ATG10: variants seen among roughly 807,000 people sequenced by gnomAD.
ATG10 encodes autophagy related 10, also known as ubiquitin-like-conjugating enzyme ATG10.
ATG10 carries 30 observed loss-of-function variants against 32.1 expected under a neutral mutation model. The observed-to-expected ratio is 0.94, with a 90% CI of 0.70 to 1.27. ATG10 has a LOEUF of 1.27. ATG10 is among the 50% of genes most tolerant of loss of function. The probability of loss-of-function intolerance (pLI) is 0.00; values close to 1 mark genes in which losing one functional copy is unlikely to be tolerated. For synonymous variants in ATG10, 87 were observed against 91.5 expected, an observed-to-expected ratio of 0.95 and a Z score of 0.28; for missense variants, 233 against 262.3, an observed-to-expected ratio of 0.89 and a Z score of 0.77.
intron 2 of ATG10, among the ~76,000 whole-genome samples, chr5:81,996,697 AT>A (rs1464034710): frequency 1.3e-5 from 2 of 152,232 alleles, no homozygotes; most frequent in Non-Finnish European, 2.9e-5. Context: ...TGAAAGTAAA[AT>A]TTGTAGACGG....
In ATG10 at chr5:82,231,838, G is replaced by A. The variant is rs183781281; in HGVS notation, c.454-20724G>A. Among the ~76,000 whole-genome samples the A allele has an allele frequency of 4.7e-4, 72 of 152,252 alleles. 1 individual carries two copies. In the East Asian group the frequency reaches 0.011, roughly 24 times the overall value. On this transcript the variant is annotated intron_variant, in intron 5 of 7. Transcript: ENST00000282185. Reference sequence around the variant, plus strand: ...GCAGAAAGGAAAAAAACTGTCAGGAGCTATAGCTGTAACTGGAGTATTAGA... The same window carrying A: ...GCAGAAAGGAAAAAAACTGTCAGGAACTATAGCTGTAACTGGAGTATTAGA...
intron 5 of ATG10, among the ~76,000 whole-genome samples, chr5:82,202,639 C>T (rs189427259): frequency 6.4e-4 from 98 of 152,330 alleles, no homozygotes; most frequent in African/African-American, 2.1e-3. Flanking sequence ...CTGGGCTTCT[C>T]ACTAGAAAGA....
At chr5:82,117,038 T>C (rs2149821165) in intron 3 of ATG10, among the ~76,000 whole-genome samples, 1 of 152,216 alleles carries the variant, frequency 6.6e-6, no homozygotes, top group East Asian at 1.9e-4. Flanking sequence ...TTAGGTGCCA[T>C]TTAGTTAGGA....
chr5:82,006,777 TC>T (rs1381429803), intron 2 of ATG10, among the ~76,000 whole-genome samples: 1 of 152,214 alleles, frequency 6.6e-6, no homozygotes, highest in Non-Finnish European at 1.5e-5. Flanking sequence ...CCCTGGCAAC[TC>T]CCCTTCTACT....
intron 2 of ATG10, among the ~76,000 whole-genome samples, chr5:82,017,585 C>T (rs574835458): frequency 1.9e-4 from 29 of 152,216 alleles, no homozygotes; most frequent in African/African-American, 7.0e-4. Context: ...CCCTTCTATG[C>T]TGGTTTTGCT....
At chr5:82,185,611 T>C (rs927748210) in intron 5 of ATG10, among the ~76,000 whole-genome samples, 18 of 152,016 alleles carry the variant, frequency 1.2e-4, no homozygotes, top group Non-Finnish European at 2.4e-4. Context: ...ATGATAAATT[T>C]CTCAGGGTAA....
intron 3 of ATG10, among the ~76,000 whole-genome samples, chr5:82,139,087 G>A (rs993510035): frequency 6.8e-6 from 1 of 147,678 alleles, no homozygotes; most frequent in South Asian, 2.2e-4. Context: ...CGAGTGATCC[G>A]CCAACCTCGG....
chr5:82,141,674 G>C (rs562303437), intron 3 of ATG10, among the ~76,000 whole-genome samples: 33 of 152,006 alleles, frequency 2.2e-4, no homozygotes, highest in African/African-American at 6.8e-4. Flanking sequence ...AAATAATAAT[G>C]AGTATATAAA....
At chr5:82,072,860 T>G (rs1467004553) in intron 3 of ATG10, among the ~76,000 whole-genome samples, 2 of 152,202 alleles carry the variant, frequency 1.3e-5, no homozygotes, top group Non-Finnish European at 2.9e-5. Context: ...TGATTTAATG[T>G]TATGGATAAT....
intron 3 of ATG10, among the ~76,000 whole-genome samples, chr5:82,102,412 C>G (rs1765309082): frequency 6.6e-6 from 1 of 152,048 alleles, no homozygotes; most frequent in African/African-American, 2.4e-5. Flanking sequence ...TGAAAGTACT[C>G]CAGTACATAC....
At chr5:81,991,121 C>G (rs1405832312) in intron 2 of ATG10, among the ~76,000 whole-genome samples, 1 of 152,178 alleles carries the variant, frequency 6.6e-6, no homozygotes, top group African/African-American at 2.4e-5. Context: ...CCTGTGTTCT[C>G]AATTTGGGCA....
chr5:82,033,931 A>G (rs542331598), intron 2 of ATG10, among the ~76,000 whole-genome samples: 2 of 148,612 alleles, frequency 1.3e-5, no homozygotes, highest in East Asian at 3.9e-4. Context: ...ATATGTGTAT[A>G]TGTATGTGTA....
chr5:82,040,131 G>T (rs941758423), intron 2 of ATG10, among the ~76,000 whole-genome samples: 5 of 152,162 alleles, frequency 3.3e-5, no homozygotes, highest in Non-Finnish European at 7.3e-5. Context: ...CTGGCAGAGG[G>T]TCATTCCCCT....
At chr5:82,035,927 A>T (rs1290775746) in intron 2 of ATG10, among the ~76,000 whole-genome samples, 1 of 151,912 alleles carries the variant, frequency 6.6e-6, no homozygotes, top group Admixed American at 6.6e-5. Flanking sequence ...AGTTTTAATA[A>T]ATCTTCCAGT....
intron 5 of ATG10, among the ~76,000 whole-genome samples, chr5:82,181,135 T>A (rs1482913615): frequency 6.6e-6 from 1 of 152,144 alleles, no homozygotes; most frequent in Non-Finnish European, 1.5e-5. Context: ...CAAGCATTAC[T>A]ATTTCTAACA....
intron 5 of ATG10, among the ~76,000 whole-genome samples, chr5:82,235,785 A>C (rs1466953431): frequency 1.3e-5 from 2 of 152,214 alleles, no homozygotes; most frequent in Non-Finnish European, 2.9e-5. Flanking sequence ...AGGCTTTTAA[A>C]TAGAGACTTG....
chr5:82,074,300 G>A (rs1408764680), intron 3 of ATG10, among the ~76,000 whole-genome samples: 10 of 152,020 alleles, frequency 6.6e-5, no homozygotes, highest in Admixed American at 3.3e-4. Context: ...AAACGTAAAC[G>A]CCATCTCACA....
At chr5:81,980,715 C>T (rs564773975) in intron 1 of ATG10, among the ~76,000 whole-genome samples, 1 of 151,648 alleles carries the variant, frequency 6.6e-6, no homozygotes, top group Non-Finnish European at 1.5e-5. Context: ...CATTCTGTTC[C>T]TGCAGCTACC....
At chr5:82,132,792 C>G (rs1193100396) in intron 3 of ATG10, among the ~76,000 whole-genome samples, 1 of 152,044 alleles carries the variant, frequency 6.6e-6, no homozygotes, top group Non-Finnish European at 1.5e-5. Context: ...ATTCCTAGTT[C>G]TAGATCCTTG....
Sources: allele counts gnomAD v4.1 joint callset (sites outside exome capture counted in the v4.1 genomes callset), GRCh38; gene constraint gnomAD v4.1.1; transcripts MANE v1.5; gene names NCBI Gene and HGNC (gene_info 2026-07-23, HGNC 2026-07-21).